ADCY2: variants seen among roughly 807,000 people sequenced by gnomAD.
ADCY2 encodes the protein adenylate cyclase 2, also known as adenylate cyclase type 2.
ADCY2 carries 31 observed loss-of-function variants against 125.2 expected under a neutral mutation model. The ratio of observed to expected loss-of-function variants is 0.25; its 90% CI spans 0.19 to 0.33. ADCY2 has a LOEUF of 0.33. Ranked by LOEUF, ADCY2 falls within the 10% of genes least tolerant of loss-of-function variation. The pLI is 1.00. For missense variants in ADCY2, 904 were observed against 1,418.2 expected, an observed-to-expected ratio of 0.64 and a Z score of 5.82; for synonymous variants, 512 against 548.4, an observed-to-expected ratio of 0.93 and a Z score of 0.93.
chr5:7,576,305 G>C (rs1308774660), intron 3 of ADCY2, among the ~76,000 whole-genome samples: 1 of 152,224 alleles, frequency 6.6e-6, no homozygotes, highest in East Asian at 1.9e-4. Context: ...GGGTTGGCTG[G>C]AAAGTGTATT....
intron 4 of ADCY2, among the ~76,000 whole-genome samples, chr5:7,671,171 AT>A (rs1224080681): frequency 5.9e-5 from 9 of 152,190 alleles, no homozygotes; most frequent in Admixed American, 5.9e-4. Flanking sequence ...CATCTTCTTT[AT>A]TTGTATAACA....
At chr5:7,771,568 C>T (rs901536554) in intron 17 of ADCY2, among the ~76,000 whole-genome samples, 10 of 152,246 alleles carry the variant, frequency 6.6e-5, no homozygotes, top group East Asian at 1.9e-4. Context: ...TCTACTCATT[C>T]CTGCTTGAGT....
At chr5:7,471,499 C>T (rs1394767486) in intron 2 of ADCY2, among the ~76,000 whole-genome samples, 1 of 151,938 alleles carries the variant, frequency 6.6e-6, no homozygotes, top group African/African-American at 2.4e-5. Context: ...TAACAATAGA[C>T]TCCCAATTTG....
At chr5:7,633,361 G>A (rs568082851) in intron 4 of ADCY2, among the ~76,000 whole-genome samples, 13 of 151,494 alleles carry the variant, frequency 8.6e-5, no homozygotes, top group Non-Finnish European at 1.2e-4. Flanking sequence ...GCTTGAACCC[G>A]GGAGGCAGAG....
chr5:7,651,644 A>G (rs1739094440), intron 4 of ADCY2, among the ~76,000 whole-genome samples: 1 of 151,936 alleles, frequency 6.6e-6, no homozygotes, highest in Non-Finnish European at 1.5e-5. Flanking sequence ...TTCCCAGCCC[A>G]CTGACTCAAA....
Position 7,649,564 on chromosome 5 carries a change from C to A in ADCY2, c.720+23248C>A, listed in dbSNP as rs529449497. 9.8e-5 allele frequency among the ~76,000 whole-genome samples: 15 copies of A among 152,332 alleles called. No individual in the cohort carries two copies. In the South Asian group the frequency reaches 3.1e-3, roughly 32 times the overall value. ...AGTGCTTCAGAGGGAGAGGACTTGG[C>A]AGGATGCCTTGCTTGCCTGACCCCT... On this transcript the variant is annotated intron_variant, in intron 4 of 24. Transcript: ENST00000338316.
intron 4 of ADCY2, among the ~76,000 whole-genome samples, chr5:7,654,789 G>T (rs1370375706): frequency 6.6e-6 from 1 of 152,158 alleles, no homozygotes; most frequent in African/African-American, 2.4e-5. Context: ...GCCCAGAGGA[G>T]TGTACATGCC....
At chr5:7,693,896 A>C (rs566623109) in intron 5 of ADCY2, among the ~76,000 whole-genome samples, 1 of 152,246 alleles carries the variant, frequency 6.6e-6, no homozygotes, top group Admixed American at 6.5e-5. Flanking sequence ...CACACATGCT[A>C]CCTCCCAATA....
chr5:7,817,872 A>G (rs1172832825), intron 23 of ADCY2, among the ~76,000 whole-genome samples: 3 of 149,864 alleles, frequency 2.0e-5, no homozygotes, highest in Non-Finnish European at 3.0e-5. Context: ...TACTTGGTTG[A>G]AAACAAAGGC....
At chr5:7,445,219 A>G (rs1475293804) in intron 2 of ADCY2, among the ~76,000 whole-genome samples, 1 of 152,206 alleles carries the variant, frequency 6.6e-6, no homozygotes, top group Non-Finnish European at 1.5e-5. Context: ...TTTTACACTT[A>G]GATTACTGAT....
chr5:7,712,307 T>A (rs1741465379), intron 10 of ADCY2, among the ~76,000 whole-genome samples: 1 of 152,084 alleles, frequency 6.6e-6, no homozygotes, highest in Non-Finnish European at 1.5e-5. Context: ...TCTGTCTCTC[T>A]TCCATTTCTC....
At chr5:7,592,240 A>G (rs981706859) in intron 3 of ADCY2, among the ~76,000 whole-genome samples, 1 of 152,198 alleles carries the variant, frequency 6.6e-6, no homozygotes, top group South Asian at 2.1e-4. Flanking sequence ...AATATAATTC[A>G]TCTGGAATTC....
intron 2 of ADCY2, among the ~76,000 whole-genome samples, chr5:7,486,770 T>C (rs1742948900): frequency 6.6e-6 from 1 of 152,212 alleles, no homozygotes; most frequent in African/African-American, 2.4e-5. Flanking sequence ...TGGAGCAAGC[T>C]GACTTGCAGG....
intron 4 of ADCY2, among the ~76,000 whole-genome samples, chr5:7,631,378 A>G (rs1401089354): frequency 6.6e-6 from 1 of 152,184 alleles, no homozygotes; most frequent in East Asian, 1.9e-4. Flanking sequence ...TCTAGGACCT[A>G]AGTCGTTTTT....
At chr5:7,653,532 C>T (rs148031822) in intron 4 of ADCY2, among the ~76,000 whole-genome samples, 17 of 151,606 alleles carry the variant, frequency 1.1e-4, no homozygotes, top group African/African-American at 3.4e-4. Flanking sequence ...GGCATGAACC[C>T]GGGAGGTGGA....
At chr5:7,777,879 T>A (rs1365717011) in intron 18 of ADCY2, among the ~76,000 whole-genome samples, 1 of 151,974 alleles carries the variant, frequency 6.6e-6, no homozygotes, top group Non-Finnish European at 1.5e-5. Flanking sequence ...TCAGAGAGAG[T>A]GTGCCATTGA....
intron 2 of ADCY2, among the ~76,000 whole-genome samples, chr5:7,484,435 C>A (rs1187333884): frequency 6.6e-6 from 1 of 152,072 alleles, no homozygotes; most frequent in Non-Finnish European, 1.5e-5. Context: ...CTAAAGGAAG[C>A]CTTGAATGAA....
chr5:7,431,408 T>C lies in ADCY2; in HGVS notation c.408+16638T>C, dbSNP rs570668621. Among the ~76,000 whole-genome samples the C allele has an allele frequency of 3.9e-5, 6 of 152,242 alleles. No individual in the cohort carries two copies. In the South Asian group the frequency reaches 6.2e-4, roughly 16 times the overall value. On this transcript the variant is annotated intron_variant, in intron 2 of 24. Transcript: ENST00000338316. ...ATAAAAGTTAACATGAGATGGACCA[T>C]AGATGTAAATTTTAGATTGAAAATT...
intron 2 of ADCY2, among the ~76,000 whole-genome samples, chr5:7,438,374 C>T (rs746061573): frequency 6.6e-6 from 1 of 152,194 alleles, no homozygotes; most frequent in Non-Finnish European, 1.5e-5. Context: ...AAGGAGCAAA[C>T]ATAACATGCA....
Sources: allele counts gnomAD v4.1 joint callset (sites outside exome capture counted in the v4.1 genomes callset), GRCh38; gene constraint gnomAD v4.1.1; transcripts MANE v1.5; gene names NCBI Gene and HGNC (gene_info 2026-07-23, HGNC 2026-07-21).